Variants in PAPPA2 observed in about 807,000 individuals in gnomAD.
The protein encoded by PAPPA2 is pappalysin-2.
A neutral mutation model predicts 176.4 loss-of-function variants in PAPPA2; 86 were observed. The ratio of observed to expected loss-of-function variants is 0.49; its 90% CI spans 0.41 to 0.58. PAPPA2 has a LOEUF of 0.58. Among genes scored for constraint, PAPPA2 ranks in the 20% least tolerant of loss-of-function variants. The pLI is 0.00. For synonymous variants in PAPPA2, 809 were observed against 852.2 expected (o/e 0.95, Z 0.88); for missense variants, 2,073 against 2,256.9 (o/e 0.92, Z 1.65).
chr1:176,601,642 G>T (rs1424604088), intron 3 of PAPPA2, among the ~76,000 whole-genome samples: 1 of 152,208 alleles, frequency 6.6e-6, no homozygotes, highest in African/African-American at 2.4e-5. Flanking sequence ...CATAGTAGCT[G>T]CCCTGAGAGA....
At chr1:176,840,051 C>G in intron 21 of PAPPA2, 122 bp from the exon 22 acceptor site, 2 of 744,418 alleles carry the variant, frequency 2.7e-6, no homozygotes, top group South Asian at 3.7e-5. Flanking sequence ...TGTCCTGCAC[C>G]TTGGGTGCTT....
chr1:176,597,153 G>A (rs185194331), intron 3 of PAPPA2, among the ~76,000 whole-genome samples: 14 of 152,312 alleles, frequency 9.2e-5, no homozygotes, highest in Non-Finnish European at 1.6e-4. Flanking sequence ...TTGGAATCAA[G>A]GGACATGGTT....
rs528509399 is a variant in PAPPA2 at position 176,543,783 on chromosome 1, A to G, written c.-916-11624A>G. Among the ~76,000 whole-genome samples the G allele has an allele frequency of 2.0e-5, 3 of 152,298 alleles. No homozygotes were observed. In the South Asian group the frequency reaches 6.2e-4, roughly 32 times the overall value. On this transcript the variant is annotated intron_variant, in intron 1 of 22. Coordinates refer to ENST00000367662, the MANE Select transcript of PAPPA2 (RefSeq NM_020318.3). ...CAGCAAGGGGTTGTATTTTCAGCCC[A>G]TTAGGTTTGAGGTGAAGACAGTAAC...
chr1:176,764,781 A>G (rs577303632), intron 14 of PAPPA2, among the ~76,000 whole-genome samples: 3 of 152,192 alleles, frequency 2.0e-5, no homozygotes, highest in South Asian at 4.1e-4. Context: ...TATTTTTAGT[A>G]GAGATGGGGT....
intron 3 of PAPPA2, among the ~76,000 whole-genome samples, chr1:176,670,136 T>C (rs1054484526): frequency 2.6e-5 from 4 of 152,216 alleles, no homozygotes; most frequent in Non-Finnish European, 5.9e-5. Flanking sequence ...TGTTTGCTTA[T>C]GGTAAAGTTT....
intron 20 of PAPPA2, among the ~76,000 whole-genome samples, chr1:176,795,898 T>C (rs528496143): frequency 6.6e-6 from 1 of 152,362 alleles, no homozygotes; most frequent in South Asian, 2.1e-4. Flanking sequence ...TCTTATAATT[T>C]CTAACTTTGT....
chr1:176,687,169 A>G (rs566427662), intron 4 of PAPPA2, among the ~76,000 whole-genome samples: 2 of 152,326 alleles, frequency 1.3e-5, no homozygotes, highest in South Asian at 4.1e-4. Flanking sequence ...TAGCATAAGT[A>G]CATCTCTTCG....
intron 21 of PAPPA2, among the ~76,000 whole-genome samples, chr1:176,834,846 T>A (rs990276247): frequency 1.3e-5 from 2 of 152,142 alleles, no homozygotes; most frequent in South Asian, 4.1e-4. Context: ...TGGCTCAATG[T>A]TGTAATCCCA....
chr1:176,645,987 T>C (rs556683967), intron 3 of PAPPA2, among the ~76,000 whole-genome samples: 1 of 151,876 alleles, frequency 6.6e-6, no homozygotes, highest in East Asian at 1.9e-4. Flanking sequence ...ATTTTGTTTC[T>C]CAATCATTTG....
intron 2 of PAPPA2, among the ~76,000 whole-genome samples, chr1:176,568,855 C>T (rs367598513): frequency 3.3e-5 from 5 of 152,214 alleles, no homozygotes; most frequent in South Asian, 2.1e-4. Context: ...ATTTATTCTT[C>T]AGCTGTTTGA....
chr1:176,803,440 A>C (rs1006590148), intron 21 of PAPPA2, among the ~76,000 whole-genome samples: 2 of 152,178 alleles, frequency 1.3e-5, no homozygotes, highest in African/African-American at 4.8e-5. Context: ...GAGGATGTGA[A>C]AAAGGAAAGG....
At chr1:176,579,377 T>C (rs541457009) in intron 2 of PAPPA2, among the ~76,000 whole-genome samples, 52 of 152,294 alleles carry the variant, frequency 3.4e-4, no homozygotes, top group African/African-American at 1.2e-3. Context: ...CCTCTAGAAG[T>C]GATTACTAAA....
intron 1 of PAPPA2, among the ~76,000 whole-genome samples, chr1:176,500,402 T>A (rs1420108912): frequency 6.6e-6 from 1 of 151,092 alleles, no homozygotes; most frequent in African/African-American, 2.4e-5. Context: ...TCCTAATATA[T>A]GCTATTTCTA....
At chr1:176,468,516 A>AG (rs1651730735) in intron 1 of PAPPA2, among the ~76,000 whole-genome samples, 1 of 152,152 alleles carries the variant, frequency 6.6e-6, no homozygotes, top group African/African-American at 2.4e-5. Context: ...CAAAGTGGTC[A>AG]GGGAGGTTCA....
At chr1:176,524,938 A>G (rs1244324310) in intron 1 of PAPPA2, among the ~76,000 whole-genome samples, 1 of 152,308 alleles carries the variant, frequency 6.6e-6, no homozygotes, top group East Asian at 1.9e-4. Flanking sequence ...GCTACTCGGG[A>G]GGCTGAGACA....
At chr1:176,484,325 GT>G (rs1422046778) in intron 1 of PAPPA2, among the ~76,000 whole-genome samples, 1 of 152,114 alleles carries the variant, frequency 6.6e-6, no homozygotes, top group African/African-American at 2.4e-5. Context: ...TGTATGTGTA[GT>G]TTTTTTCTGG....
chr1:176,678,484 C>G (rs1020671754), intron 4 of PAPPA2, among the ~76,000 whole-genome samples: 10 of 151,278 alleles, frequency 6.6e-5, no homozygotes, highest in African/African-American at 2.4e-4. Flanking sequence ...CCAAATCTTA[C>G]AGCAATTTAA....
chr1:176,810,924 C>T (rs1019820547), intron 21 of PAPPA2, among the ~76,000 whole-genome samples: 1 of 152,158 alleles, frequency 6.6e-6, no homozygotes, highest in South Asian at 2.1e-4. Context: ...TCTCTGATCC[C>T]GAATCTCTTT....
At chr1:176,540,629 C>A (rs1451223221) in intron 1 of PAPPA2, among the ~76,000 whole-genome samples, 2 of 152,126 alleles carry the variant, frequency 1.3e-5, no homozygotes, top group Non-Finnish European at 2.9e-5. Flanking sequence ...TTAGGTAAAG[C>A]CACAATGACT....
Sources: gnomAD v4.1 joint callset for allele counts (sites outside exome capture counted in the v4.1 genomes callset) on GRCh38, gnomAD v4.1.1 for gene constraint, MANE v1.5 for transcripts, NCBI Gene and HGNC (gene_info 2026-07-23, HGNC 2026-07-21) for gene names.